PDE10A: variants seen among roughly 807,000 people sequenced by gnomAD.
PDE10A encodes the protein cAMP and cAMP-inhibited cGMP 3',5'-cyclic phosphodiesterase 10A.
PDE10A carries 39 observed loss-of-function variants against 97.7 expected under a neutral mutation model. The observed-to-expected ratio is 0.40, with a 90% CI of 0.31 to 0.52. PDE10A has a LOEUF of 0.52. Ranked by LOEUF, PDE10A falls within the 20% of genes least tolerant of loss-of-function variation. The pLI is 0.56. For synonymous variants in PDE10A, 371 were observed against 376.8 expected (o/e 0.98, Z 0.18); for missense variants, 731 against 1,047.8 (o/e 0.70, Z 4.17).
chr6:165,958,591 GAGAA>G (rs1231761241), intron 1 of PDE10A, among the ~76,000 whole-genome samples: 3 of 78,942 alleles, frequency 3.8e-5, no homozygotes, highest in Admixed American at 1.2e-4. Flanking sequence ...GACAGAAAGA[GAGAA>G]AGAAAGAGAG....
chr6:165,500,303 A>G (rs953082051), intron 2 of PDE10A, among the ~76,000 whole-genome samples: 1 of 152,146 alleles, frequency 6.6e-6, no homozygotes, highest in African/African-American at 2.4e-5. Context: ...GAGAGATCAG[A>G]CTGTTACTGT....
intron 2 of PDE10A, among the ~76,000 whole-genome samples, chr6:165,530,304 C>T (rs537401390): frequency 6.6e-6 from 1 of 150,412 alleles, no homozygotes; most frequent in Admixed American, 6.6e-5. Flanking sequence ...TGTGTACACA[C>T]ACACCCTATT....
chr6:165,907,875 TGTA>T (rs1782341688), intron 1 of PDE10A, among the ~76,000 whole-genome samples: 1 of 152,196 alleles, frequency 6.6e-6, no homozygotes, highest in Non-Finnish European at 1.5e-5. Context: ...GAGAGAAAAT[TGTA>T]GTCAGCTCTT....
chr6:165,768,505 C>T (rs1233823551), intron 1 of PDE10A, among the ~76,000 whole-genome samples: 1 of 151,888 alleles, frequency 6.6e-6, no homozygotes, highest in African/African-American at 2.4e-5. Context: ...AATAAATGCT[C>T]CTTAGAATTT....
At chr6:165,877,056 G>T (rs1348204267) in intron 1 of PDE10A, among the ~76,000 whole-genome samples, 3 of 152,190 alleles carry the variant, frequency 2.0e-5, no homozygotes, top group Non-Finnish European at 4.4e-5. Flanking sequence ...TAGCAAGCAT[G>T]CCTGGTGTTT....
At chr6:165,861,230 T>G (rs1780891398) in intron 1 of PDE10A, among the ~76,000 whole-genome samples, 1 of 152,170 alleles carries the variant, frequency 6.6e-6, no homozygotes, top group African/African-American at 2.4e-5. Context: ...GATGGATGAA[T>G]GTATTCGTTA....
At chr6:165,540,317 T>TCA (rs1309221220) in intron 2 of PDE10A, among the ~76,000 whole-genome samples, 3 of 152,250 alleles carry the variant, frequency 2.0e-5, no homozygotes, top group Non-Finnish European at 2.9e-5. Context: ...CGGTCAGCGT[T>TCA]CACACTGCTT....
At chr6:165,679,230 G>C (rs1339617040) in intron 1 of PDE10A, among the ~76,000 whole-genome samples, 2 of 152,198 alleles carry the variant, frequency 1.3e-5, no homozygotes, top group Non-Finnish European at 2.9e-5. Flanking sequence ...AAAAGAATGA[G>C]AAAATATAGC....
intron 1 of PDE10A, among the ~76,000 whole-genome samples, chr6:165,615,204 C>T (rs1415091818): frequency 3.8e-4 from 39 of 102,640 alleles, no homozygotes; most frequent in Non-Finnish European, 6.5e-4. Flanking sequence ...AGCAAGACTC[C>T]ATCTCAGAAA....
At chr6:165,972,319 A>G (rs1289200031) in intron 1 of PDE10A, among the ~76,000 whole-genome samples, 1 of 151,584 alleles carries the variant, frequency 6.6e-6, no homozygotes, top group Non-Finnish European at 1.5e-5. Context: ...GTGGACGGGG[A>G]TTCTGCCCCT....
At chr6:165,571,963 C>A (rs572370887) in intron 1 of PDE10A, among the ~76,000 whole-genome samples, 112 of 152,292 alleles carry the variant, frequency 7.4e-4, no homozygotes, top group African/African-American at 2.5e-3. Context: ...TGAGTAGAAA[C>A]ACAGGCATCT....
At chr6:165,901,099 C>T (rs111487413) in intron 1 of PDE10A, among the ~76,000 whole-genome samples, 1,706 of 152,324 alleles carry the variant, frequency 0.011, 27 homozygotes, top group African/African-American at 0.037. Flanking sequence ...CCACCGAATT[C>T]TCCACCAACA....
intron 1 of PDE10A, chr6:165,939,700 C>T (rs968803038): frequency 2.0e-5 from 3 of 152,182 alleles, no homozygotes; most frequent in African/African-American, 7.2e-5. Flanking sequence ...TTCCATTGTC[C>T]TCAGAAAACC....
At chr6:165,692,679 T>G (rs1466061770) in intron 1 of PDE10A, among the ~76,000 whole-genome samples, 2 of 152,230 alleles carry the variant, frequency 1.3e-5, no homozygotes, top group African/African-American at 4.8e-5. Context: ...TAACGCATGC[T>G]GTACACAGAC....
At chr6:165,480,729 C>T (rs946450344) in intron 3 of PDE10A, among the ~76,000 whole-genome samples, 1 of 152,176 alleles carries the variant, frequency 6.6e-6, no homozygotes, top group African/African-American at 2.4e-5. Context: ...GAGCAGAAGC[C>T]CTCTGGCCAG....
chr6:165,610,585 T>C (rs954307482), intron 1 of PDE10A, among the ~76,000 whole-genome samples: 1 of 148,658 alleles, frequency 6.7e-6, no homozygotes, highest in Non-Finnish European at 1.5e-5. Flanking sequence ...ATTTAACAAA[T>C]GGCACTGGGA....
chr6:165,844,825 A>C (rs1411306177), intron 1 of PDE10A, among the ~76,000 whole-genome samples: 7 of 152,352 alleles, frequency 4.6e-5, no homozygotes, highest in African/African-American at 1.7e-4. Context: ...TCTTCAGTAC[A>C]AACCCTGCCT....
At chr6:165,551,941 C>G (rs1016114898) in intron 1 of PDE10A, among the ~76,000 whole-genome samples, 1 of 152,114 alleles carries the variant, frequency 6.6e-6, no homozygotes, top group Non-Finnish European at 1.5e-5. Flanking sequence ...TATGCTTCCC[C>G]CATTTCAGTC....
chr6:165,969,882 T>G (rs1784618921), intron 1 of PDE10A, among the ~76,000 whole-genome samples: 1 of 152,186 alleles, frequency 6.6e-6, no homozygotes, highest in South Asian at 2.1e-4. Flanking sequence ...TTGAAGAAGT[T>G]TGGAGAAAAA....
Sources: gnomAD v4.1 joint callset for allele counts (sites outside exome capture counted in the v4.1 genomes callset) on GRCh38, gnomAD v4.1.1 for gene constraint, MANE v1.5 for transcripts, NCBI Gene and HGNC (gene_info 2026-07-23, HGNC 2026-07-21) for gene names.